The following UNCX variants were observed in gnomAD, a reference collection of about 807,000 sequenced individuals.
The protein encoded by UNCX is UNC homeobox.
In UNCX, 4 loss-of-function variants were observed where a neutral mutation model predicts 14.8. The ratio of observed to expected loss-of-function variants is 0.27; its 90% CI spans 0.13 to 0.62. The LOEUF is 0.62. Among genes scored for constraint, UNCX ranks in the 20% least tolerant of loss-of-function variants. The pLI, the probability that UNCX is intolerant of heterozygous loss-of-function variation, is 0.86. For synonymous variants in UNCX, 459 were observed against 395.8 expected (o/e 1.16, Z -1.90); for missense variants, 749 against 786.8 (o/e 0.95, Z 0.58).
At chr7:1,235,749 TGG>T in intron 2 of UNCX, 81 bp from the exon 3 acceptor site, 1 of 1,327,770 alleles carries the variant, frequency 7.5e-7, no homozygotes. Context: ...CAGGCCCCTC[TGG>T]GGGGAGCGGG....
Position 1,232,984 on chromosome 7 carries a change from C to T in UNCX, c.-34C>T. 1 of 1,114,864 alleles carries T rather than the reference C, an allele frequency of 9.0e-7. No individual in the cohort carries two copies. The highest frequency in any genetic ancestry group is 1.1e-6 in the Non-Finnish European group (1 of 911,530). 69.1% of individuals were successfully genotyped at this position (1,114,864 alleles called of 1,614,324 possible). A position where few individuals can be genotyped will look rare whatever the true frequency, so the allele number is the denominator to read the frequency against. The stretch of plus-strand genomic sequence containing the variant: ...CCCGGCCCCGGCCCGCGCCCCCGCG[C>T]CCCGCCACCGGCCCCGCCGGCCCCC... On this transcript the variant is annotated 5_prime_UTR_variant, in exon 1 of 3. Coordinates refer to ENST00000316333, the MANE Select transcript of UNCX (RefSeq NM_001080461.3).
rs1162101109 is a variant in UNCX, at chr7:1,236,174, G to A, written c.793G>A (p.Ala265Thr). The change falls in exon 3 of 3, where the codon GCG becomes ACG. Residue 265 changes from alanine to threonine, a missense_variant. By Grantham distance (58) the Ala-to-Thr change is moderately conservative (BLOSUM62 0). Transcript: ENST00000316333. This position sits in a 1 kb window ranked among gnomAD's most constrained non-coding sequence, Gnocchi z 6.9. ...KGPGAHASGA[A>T]GTAPAPPGEP... ...CCCCGGAGCGCACGCCTCGGGCGCC[G>A]CGGGGACCGCGCCCGCCCCTCCCGG... 4.1e-6 allele frequency: 5 copies of A among 1,219,192 alleles called. No individual in the cohort carries two copies. Among genetic ancestry groups the A allele is most frequent in the South Asian group, 2.0e-5 (1 of 50,418 alleles). The allele number at this position is 1,219,192 out of a possible 1,614,324, so 75.5% of individuals were successfully genotyped here.
intron 2 of UNCX, among the ~76,000 whole-genome samples, chr7:1,235,261 C>G (rs567485872): frequency 6.6e-6 from 1 of 152,200 alleles, no homozygotes; most frequent in Non-Finnish European, 1.5e-5. Flanking sequence ...AGAGGCCCAC[C>G]CAAGTACGGC....
chr7:1,233,088 TC>T lies in UNCX; in HGVS notation c.75del (p.Tyr26ThrfsTer117). The T allele has an allele frequency of 6.9e-7, 1 of 1,448,762 alleles. No homozygotes were observed. The highest frequency in any genetic ancestry group is 9.1e-7 in the Non-Finnish European group (1 of 1,102,246). The allele number at this position is 1,448,762 out of a possible 1,614,324, so 89.7% of individuals were successfully genotyped here. On this transcript the variant is annotated frameshift_variant, in exon 1 of 3. Coordinates refer to ENST00000316333, the MANE Select transcript of UNCX (RefSeq NM_001080461.3). LOFTEE classifies it high-confidence loss of function. The surrounding 1 kb of genome is among the most constrained non-coding windows in gnomAD (Gnocchi z 5.3). The stretch of plus-strand genomic sequence containing the variant: ...GGCTCGCTGGGCGGCGTGGTGGGCT[TC>T]CCCTACCCGCTGGGCCACCACCACG... The part of the protein sequence containing the change: ...FGGSLGGVVG[F>X]PYPLGHHHVY...
rs1778680389 is a variant in UNCX, at chr7:1,233,349, C to T, written c.274+58C>T. 1 of 1,332,746 alleles carries T rather than the reference C, an allele frequency of 7.5e-7. No individual in the cohort carries two copies. Among genetic ancestry groups the T allele is most frequent in the Non-Finnish European group, 9.5e-7 (1 of 1,048,770 alleles). 82.6% of individuals were successfully genotyped at this position (1,332,746 alleles called of 1,614,324 possible). A position where few individuals can be genotyped will look rare whatever the true frequency, so the allele number is the denominator to read the frequency against. ...TGCGGCTGGGGGCGGGGGCCCTGGTCCGGCCGAGGCGCTGGGGGGCCCGGG... is the reference window on the plus strand; with the variant it reads ...TGCGGCTGGGGGCGGGGGCCCTGGTTCGGCCGAGGCGCTGGGGGGCCCGGG... On this transcript the variant is annotated intron_variant, in intron 1 of 2. Transcript: ENST00000316333. The surrounding 1 kb of genome is among the most constrained non-coding windows in gnomAD (Gnocchi z 5.3).
At chr7:1,234,453 A>G (rs894025235) in intron 2 of UNCX, among the ~76,000 whole-genome samples, 36 of 152,018 alleles carry the variant, frequency 2.4e-4, no homozygotes, top group Non-Finnish European at 3.7e-4. Context: ...CCCTGGAGCA[A>G]AGAAATCCTC....
At position 1,236,312 on chromosome 7, in the gene UNCX, G is replaced by C; in HGVS notation, c.931G>C (p.Gly311Arg). 7.7e-7 allele frequency: 1 copy of C among 1,291,670 alleles called. No individual in the cohort carries two copies. The highest frequency in any genetic ancestry group is 9.8e-7 in the Non-Finnish European group (1 of 1,021,084). 80.0% of individuals were successfully genotyped at this position (1,291,670 alleles called of 1,614,324 possible). Residue 311 changes from glycine to arginine, a missense_variant, in exon 3 of 3, where the codon GGG (glycine) becomes CGG (arginine). Around this residue, in one of 3 missense-constraint regions of UNCX, gnomAD observed 552 missense variants for 507.2 expected, o/e 1.09. Transcript: ENST00000316333. This position sits in a 1 kb window ranked among gnomAD's most constrained non-coding sequence, Gnocchi z 6.9. ...RPADKDAASC[G>R]PGAAVAAVER... ...TGCGGACAAGGACGCGGCCTCGTGCGGGCCAGGGGCCGCTGTGGCGGCGGT... is the reference window on the plus strand; with the variant it reads ...TGCGGACAAGGACGCGGCCTCGTGCCGGCCAGGGGCCGCTGTGGCGGCGGT...
At position 1,232,995 on chromosome 7, in the gene UNCX, G is replaced by T; in HGVS notation, c.-23G>T. ...CCCGCGCCCCCGCGCCCCGCCACCG[G>T]CCCCGCCGGCCCCCCGCGCGAGATG... On this transcript the variant is annotated 5_prime_UTR_variant, in exon 1 of 3. Coordinates refer to ENST00000316333, the MANE Select transcript of UNCX (RefSeq NM_001080461.3). 8.5e-7 allele frequency: 1 copy of T among 1,169,696 alleles called. No homozygotes were observed. The highest frequency in any genetic ancestry group is 1.1e-6 in the Non-Finnish European group (1 of 947,918). The allele number at this position is 1,169,696 out of a possible 1,614,324, so 72.5% of individuals were successfully genotyped here. A position where few individuals can be genotyped will look rare whatever the true frequency, so the allele number is the denominator to read the frequency against.
chr7:1,236,788 C>A lies in UNCX; in HGVS notation c.1407C>A (p.Thr469=). ...PFRDLASAAA[T]EGGGGDCADA... ...GGGACCTCGCCTCGGCAGCGGCTAC[C>A]GAGGGCGGCGGCGGGGACTGCGCGG... Residue 469 remains threonine, a synonymous_variant, in exon 3 of 3, where the codon ACC becomes ACA. Coordinates refer to ENST00000316333, the MANE Select transcript of UNCX (RefSeq NM_001080461.3). The surrounding 1 kb of genome is among the most constrained non-coding windows in gnomAD (Gnocchi z 6.9). 3.0e-6 allele frequency: 3 copies of A among 986,932 alleles called. No individual in the cohort carries two copies. The highest frequency in any genetic ancestry group is 3.6e-6 in the Non-Finnish European group (3 of 832,544). The allele number at this position is 986,932 out of a possible 1,614,324, so 61.1% of individuals were successfully genotyped here. A position where few individuals can be genotyped will look rare whatever the true frequency, so the allele number is the denominator to read the frequency against.
Position 1,233,424 on chromosome 7 carries a change from C to A in UNCX, c.275-96C>A, listed in dbSNP as rs1039563427. 2 of 1,382,930 alleles carry A rather than the reference C, an allele frequency of 1.4e-6. No individual in the cohort carries two copies. The highest frequency in any genetic ancestry group is 2.7e-4 in the Middle Eastern group (1 of 3,762). The allele number at this position is 1,382,930 out of a possible 1,614,324, so 85.7% of individuals were successfully genotyped here. A position where few individuals can be genotyped will look rare whatever the true frequency, so the allele number is the denominator to read the frequency against. ...AGGCGGCCGTCTCTGCGCCCCCCCC[C>A]CCGGATCCAGGCGGCCAGCGGGTAG... On this transcript the variant is annotated intron_variant, in intron 1 of 2. Coordinates refer to ENST00000316333, the MANE Select transcript of UNCX (RefSeq NM_001080461.3). This position sits in a 1 kb window ranked among gnomAD's most constrained non-coding sequence, Gnocchi z 5.3.
chr7:1,236,973 A>T lies in UNCX; in HGVS notation c.1592A>T (p.Asp531Val). ...SPPEGEELDMD is the reference protein window; with the variant it reads ...SPPEGEELDMV ...CCGGAGGGCGAGGAGCTGGACATGG[A>T]CTGAGGCCGCGGCGGCCGGGAGAGG... Residue 531 changes from aspartate to valine, a missense_variant, in exon 3 of 3, where the codon GAC becomes GTC. Transcript: ENST00000316333. This position sits in a 1 kb window ranked among gnomAD's most constrained non-coding sequence, Gnocchi z 6.9. 1.7e-6 allele frequency: 2 copies of T among 1,190,450 alleles called. No homozygotes were observed. Among genetic ancestry groups the T allele is most frequent in the Non-Finnish European group, 2.1e-6 (2 of 960,822 alleles). The allele number at this position is 1,190,450 out of a possible 1,614,324, so 73.7% of individuals were successfully genotyped here.
Position 1,233,839 on chromosome 7 carries a change from T to TG in UNCX, c.450+149dup. On this transcript the variant is annotated intron_variant, in intron 2 of 2. Coordinates refer to ENST00000316333, the MANE Select transcript of UNCX (RefSeq NM_001080461.3). The surrounding 1 kb of genome is among the most constrained non-coding windows in gnomAD (Gnocchi z 5.3). ...CGCCTGCTGGGGAAGAGTGGAGGGG[T>TG]GGGGGTTCTGGGGCTCGGCCCCTCA... 1 of 1,002,710 alleles carries TG rather than the reference T, an allele frequency of 1.0e-6. No individual in the cohort carries two copies. Among genetic ancestry groups the TG allele is most frequent in the East Asian group, 2.9e-5 (1 of 34,064 alleles). The allele number at this position is 1,002,710 out of a possible 1,614,324, so 62.1% of individuals were successfully genotyped here. A position where few individuals can be genotyped will look rare whatever the true frequency, so the allele number is the denominator to read the frequency against.
In UNCX at chr7:1,232,929, C is replaced by A; in HGVS notation, c.-89C>A. The A allele has an allele frequency of 1.4e-6, 1 of 708,830 alleles. No individual in the cohort carries two copies. Among genetic ancestry groups the A allele is most frequent in the Non-Finnish European group, 1.7e-6 (1 of 579,768 alleles). The allele number at this position is 708,830 out of a possible 1,614,324, so 43.9% of individuals were successfully genotyped here. A position where few individuals can be genotyped will look rare whatever the true frequency, so the allele number is the denominator to read the frequency against. ...GGCTCCGGGTCCCTGTCTCCGCCGC[C>A]GCCGCCCGCGCCTCCCGCCGCTGGC... On this transcript the variant is annotated 5_prime_UTR_variant, in exon 1 of 3. Transcript: ENST00000316333.
At chr7:1,234,803 G>A (rs1235381744) in intron 2 of UNCX, among the ~76,000 whole-genome samples, 4 of 151,152 alleles carry the variant, frequency 2.6e-5, no homozygotes. Context: ...ACAGCGTTGG[G>A]GGAGGGCTCG....
chr7:1,236,820 G>T lies in UNCX; in HGVS notation c.1439G>T (p.Gly480Val). The T allele has an allele frequency of 1.0e-6, 1 of 987,468 alleles. No homozygotes were observed. The highest frequency in any genetic ancestry group is 1.2e-6 in the Non-Finnish European group (1 of 833,096). 61.2% of individuals were successfully genotyped at this position (987,468 alleles called of 1,614,324 possible). A position where few individuals can be genotyped will look rare whatever the true frequency, so the allele number is the denominator to read the frequency against. ...GGCGGCGGGGACTGCGCGGACGCGG[G>T]GACCGCCGGCCCCGCGCCCCCGCCG... ...EGGGGDCADAGTAGPAPPPPA... is the reference protein window; with the variant it reads ...EGGGGDCADAVTAGPAPPPPA... The change falls in exon 3 of 3, where the codon GGG becomes GTG. Residue 480 changes from glycine (G) to valine (V), a missense_variant. By Grantham distance (109) the Gly-to-Val change is moderately radical (BLOSUM62 -3). Coordinates refer to ENST00000316333, the MANE Select transcript of UNCX (RefSeq NM_001080461.3). This position sits in a 1 kb window ranked among gnomAD's most constrained non-coding sequence, Gnocchi z 6.9.
At chr7:1,235,715 T>A in intron 2 of UNCX, 117 bp from the exon 3 acceptor site, 1 of 951,688 alleles carries the variant, frequency 1.1e-6, no homozygotes, top group Non-Finnish European at 1.5e-6. Context: ...GCTTCACTCC[T>A]GCCCCGGCCG....
rs1207235530 is a variant in UNCX, at chr7:1,233,942, G to A, written c.450+247G>A. The stretch of plus-strand genomic sequence containing the variant: ...GCCGGCGGCAGCACCCGAGTCACCA[G>A]AACAGCGGCTGCGTCCGAACCGGGA... On this transcript the variant is annotated intron_variant, in intron 2 of 2. Coordinates refer to ENST00000316333, the MANE Select transcript of UNCX (RefSeq NM_001080461.3). The surrounding 1 kb of genome is among the most constrained non-coding windows in gnomAD (Gnocchi z 5.3). 6.6e-6 allele frequency among the ~76,000 whole-genome samples: 1 copy of A among 152,252 alleles called. No homozygotes were observed. Among genetic ancestry groups the A allele is most frequent in the Admixed American group, 6.5e-5 (1 of 15,292 alleles).
chr7:1,233,216 T>A lies in UNCX; in HGVS notation c.199T>A (p.Ser67Thr). 6.9e-7 allele frequency: 1 copy of A among 1,441,600 alleles called. No homozygotes were observed. Among genetic ancestry groups the A allele is most frequent in the Non-Finnish European group, 9.1e-7 (1 of 1,099,720 alleles). The allele number at this position is 1,441,600 out of a possible 1,614,324, so 89.3% of individuals were successfully genotyped here. ...LLGGSCAAAASVVNPTPLLPA... is the reference protein window; with the variant it reads ...LLGGSCAAAATVVNPTPLLPA... ...CGGGGGCTCGTGCGCCGCCGCCGCCTCGGTGGTCAACCCCACGCCGCTGCT... is the reference window on the plus strand; with the variant it reads ...CGGGGGCTCGTGCGCCGCCGCCGCCACGGTGGTCAACCCCACGCCGCTGCT... The change falls in exon 1 of 3, where the codon TCG becomes ACG. Residue 67 changes from serine (S) to threonine (T), a missense_variant. Ser to Thr is a moderately conservative substitution (Grantham distance 58). Transcript: ENST00000316333. This position sits in a 1 kb window ranked among gnomAD's most constrained non-coding sequence, Gnocchi z 5.3.
chr7:1,236,595 C>T lies in UNCX; in HGVS notation c.1214C>T (p.Ala405Val), dbSNP rs747030720. The T allele has an allele frequency of 1.8e-5, 21 of 1,157,040 alleles. 1 individual carries two copies. In the South Asian group the frequency reaches 5.6e-4, roughly 31 times the overall value. 71.7% of individuals were successfully genotyped at this position (1,157,040 alleles called of 1,614,324 possible). ...ALKGGAGLEP[A>V]PKDAPPAPAV... ...AAGGGCGGCGCGGGCCTGGAGCCGGCGCCCAAGGACGCGCCGCCCGCGCCC... is the reference window on the plus strand; with the variant it reads ...AAGGGCGGCGCGGGCCTGGAGCCGGTGCCCAAGGACGCGCCGCCCGCGCCC... The change falls in exon 3 of 3, where the codon GCG becomes GTG. Residue 405 changes from alanine (A) to valine (V), a missense_variant. This residue lies in a region of UNCX where 552 missense variants were observed against 507.2 expected (regional missense o/e 1.09). Coordinates refer to ENST00000316333, the MANE Select transcript of UNCX (RefSeq NM_001080461.3). This position sits in a 1 kb window ranked among gnomAD's most constrained non-coding sequence, Gnocchi z 6.9.
Sources: gnomAD v4.1 joint callset for allele counts (sites outside exome capture counted in the v4.1 genomes callset) on GRCh38, gnomAD v4.1.1 for gene constraint, gnomAD v4.1.1 regional missense constraint, Gnocchi (gnomAD v3.1) non-coding constraint, MANE v1.5 for transcripts, NCBI Gene and HGNC (gene_info 2026-07-23, HGNC 2026-07-21) for gene names.